MICU1: variants seen among roughly 807,000 people sequenced by gnomAD.
MICU1 encodes the protein calcium uptake protein 1, mitochondrial.
MICU1 carries 45 observed loss-of-function variants against 56.8 expected under a neutral mutation model. That is an observed-to-expected ratio of 0.79 (90% confidence interval 0.62 to 1.02). The LOEUF (loss-of-function observed/expected upper bound fraction) is 1.02. Ranked by LOEUF, MICU1 falls within the 50% of genes least tolerant of loss-of-function variation. The pLI is 0.00. For synonymous variants in MICU1, 186 were observed against 195.1 expected, an observed-to-expected ratio of 0.95 and a Z score of 0.39; for missense variants, 504 against 587.1, an observed-to-expected ratio of 0.86 and a Z score of 1.46.
At chr10:72,575,935 CG>C (rs1840730053) in intron 1 of MICU1, among the ~76,000 whole-genome samples, 1 of 152,100 alleles carries the variant, frequency 6.6e-6, no homozygotes, top group African/African-American at 2.4e-5. Flanking sequence ...AGAAGTGGGC[CG>C]GGCGCGGTGG....
intron 8 of MICU1, among the ~76,000 whole-genome samples, chr10:72,474,753 T>C (rs1011944057): frequency 1.7e-4 from 26 of 152,196 alleles, no homozygotes; most frequent in Non-Finnish European, 3.2e-4. Flanking sequence ...CTTCTTCATC[T>C]CCATCTTCTG....
chr10:72,523,378 G>A (rs558395044), intron 5 of MICU1, among the ~76,000 whole-genome samples: 2 of 152,206 alleles, frequency 1.3e-5, no homozygotes, highest in East Asian at 1.9e-4. Flanking sequence ...TAATGGAATC[G>A]TCTATACGTT....
At chr10:72,612,669 C>T (rs929438649) in intron 1 of MICU1, among the ~76,000 whole-genome samples, 63 of 152,086 alleles carry the variant, frequency 4.1e-4, no homozygotes, top group Non-Finnish European at 5.7e-4. Context: ...GGCAAGGTGG[C>T]ACATGCATGT....
chr10:72,491,025 T>C (rs1866637363), intron 6 of MICU1, among the ~76,000 whole-genome samples: 2 of 152,160 alleles, frequency 1.3e-5, no homozygotes, highest in South Asian at 4.1e-4. Context: ...CCAAACAGAA[T>C]TATGAACCGG....
intron 6 of MICU1, among the ~76,000 whole-genome samples, chr10:72,493,402 GTTCT>G (rs1181996528): frequency 3.3e-5 from 5 of 151,872 alleles, no homozygotes. Flanking sequence ...TGATATTTGA[GTTCT>G]TTCTCGTTTA....
chr10:72,534,195 C>CA (rs11297602), intron 4 of MICU1, among the ~76,000 whole-genome samples: 3,024 of 86,402 alleles, frequency 0.035, 40 homozygotes, highest in South Asian at 0.054. Flanking sequence ...AATTAAACAC[C>CA]AAAAAAAAAA....
At chr10:72,420,891 G>A (rs1012064248) in intron 9 of MICU1, among the ~76,000 whole-genome samples, 5 of 149,782 alleles carry the variant, frequency 3.3e-5, no homozygotes, top group African/African-American at 1.2e-4. Context: ...GCCCAAGCTG[G>A]TCTTGAACTT....
chr10:72,404,719 T>C (rs1863571970), intron 10 of MICU1, among the ~76,000 whole-genome samples: 2 of 152,134 alleles, frequency 1.3e-5, no homozygotes, highest in Admixed American at 1.3e-4. Context: ...CTAAAATTCA[T>C]ATAAAACACA....
chr10:72,592,844 G>A (rs560029344), intron 1 of MICU1, among the ~76,000 whole-genome samples: 93 of 149,986 alleles, frequency 6.2e-4, no homozygotes, highest in African/African-American at 2.1e-3. Context: ...GAGCAATGGC[G>A]CAATCTCGGC....
At chr10:72,470,383 AATACCACAG>A (rs1255059893) in intron 8 of MICU1, among the ~76,000 whole-genome samples, 1 of 152,228 alleles carries the variant, frequency 6.6e-6, no homozygotes, top group Non-Finnish European at 1.5e-5. Flanking sequence ...GGTATAAAAG[AATACCACAG>A]ATTGGATAAT....
At chr10:72,562,462 T>G (rs983697209) in intron 3 of MICU1, among the ~76,000 whole-genome samples, 1 of 152,158 alleles carries the variant, frequency 6.6e-6, no homozygotes, top group African/African-American at 2.4e-5. Flanking sequence ...CCTAATTACA[T>G]AAAATCTTGA....
At chr10:72,533,988 A>G (rs1349006633) in intron 4 of MICU1, among the ~76,000 whole-genome samples, 199 bp from the exon 5 acceptor site, 2 of 152,120 alleles carry the variant, frequency 1.3e-5, no homozygotes, top group South Asian at 2.1e-4. Context: ...TTTATTTTAC[A>G]TATCAGAAAA....
At chr10:72,469,987 T>C (rs1401082955) in intron 8 of MICU1, among the ~76,000 whole-genome samples, 1 of 152,186 alleles carries the variant, frequency 6.6e-6, no homozygotes, top group East Asian at 1.9e-4. Context: ...ATCACCTCTT[T>C]AAAGACCTTA....
chr10:72,524,100 G>T, intron 5 of MICU1: 1 of 648,248 alleles, frequency 1.5e-6, no homozygotes, highest in African/African-American at 1.9e-5. Flanking sequence ...GTTCAAGTAG[G>T]AACATAATAT....
intron 1 of MICU1, among the ~76,000 whole-genome samples, chr10:72,575,520 C>T (rs936685493): frequency 4.6e-5 from 7 of 152,184 alleles, no homozygotes; most frequent in African/African-American, 1.7e-4. Flanking sequence ...TTTGTGGCAA[C>T]CCTGTTTCAA....
chr10:72,386,207 A>AGTC (rs1862882399), intron 10 of MICU1, among the ~76,000 whole-genome samples: 1 of 151,960 alleles, frequency 6.6e-6, no homozygotes, highest in Non-Finnish European at 1.5e-5. Flanking sequence ...AGGGGGACGG[A>AGTC]GTCTCGCTCT....
chr10:72,490,223 C>T (rs1866608636), intron 6 of MICU1, among the ~76,000 whole-genome samples: 1 of 152,004 alleles, frequency 6.6e-6, no homozygotes, highest in South Asian at 2.1e-4. Context: ...ATATATATGT[C>T]TATGTATGTA....
chr10:72,504,450 A>G (rs1024982572), intron 6 of MICU1, among the ~76,000 whole-genome samples: 2 of 152,140 alleles, frequency 1.3e-5, no homozygotes, highest in Admixed American at 1.3e-4. Flanking sequence ...CTGGACCCTT[A>G]CCTTGCATCA....
intron 8 of MICU1, among the ~76,000 whole-genome samples, chr10:72,452,251 A>G (rs946039918): frequency 5.9e-5 from 9 of 152,176 alleles, no homozygotes; most frequent in African/African-American, 2.2e-4. Context: ...CTGGGAGGCA[A>G]TAACAAGCCC....
Sources: gnomAD v4.1 joint callset for allele counts (sites outside exome capture counted in the v4.1 genomes callset) on GRCh38, gnomAD v4.1.1 for gene constraint, MANE v1.5 for transcripts, NCBI Gene and HGNC (gene_info 2026-07-23, HGNC 2026-07-21) for gene names.